Variants in PIK3AP1 observed in about 807,000 individuals in gnomAD.
PIK3AP1 encodes phosphoinositide-3-kinase adaptor protein 1, also known as phosphoinositide 3-kinase adapter protein 1.
Under a neutral mutation model 88.1 loss-of-function variants are expected in PIK3AP1, and 21 were observed. The ratio of observed to expected loss-of-function variants is 0.24; its 90% CI spans 0.17 to 0.34. PIK3AP1 has a LOEUF of 0.34. Among genes scored for constraint, PIK3AP1 ranks in the 10% least tolerant of loss-of-function variants. PIK3AP1 has a pLI of 1.00. For missense variants in PIK3AP1, 828 were observed against 1,035.7 expected (o/e 0.80, Z 2.75); for synonymous variants, 398 against 400.0 (o/e 1.00, Z 0.06).
chr10:96,669,888 A>AAAGTGGGACCAG (rs1230037904), intron 2 of PIK3AP1, among the ~76,000 whole-genome samples: 9 of 152,298 alleles, frequency 5.9e-5, no homozygotes, highest in Non-Finnish European at 1.2e-4. Flanking sequence ...AGTGTTTAGA[A>AAAGTGGGACCAG]AAGTGGGACC....
intron 16 of PIK3AP1, among the ~76,000 whole-genome samples, chr10:96,598,391 C>T (rs1202400318): frequency 6.6e-6 from 1 of 152,026 alleles, no homozygotes; most frequent in Non-Finnish European, 1.5e-5. Context: ...ATCTATAACC[C>T]CCCTGCATAC....
chr10:96,711,706 T>G (rs1201160235), intron 1 of PIK3AP1, among the ~76,000 whole-genome samples: 1 of 149,570 alleles, frequency 6.7e-6, no homozygotes, highest in Non-Finnish European at 1.5e-5. Flanking sequence ...AAGCCCAACA[T>G]AGTTCTGATT....
At position 96,603,981 on chromosome 10, in the gene PIK3AP1, CG is replaced by C; in HGVS notation, c.2238del (p.Asn746LysfsTer65). On this transcript the variant is annotated frameshift_variant, in exon 15 of 17. Coordinates refer to ENST00000339364, the MANE Select transcript of PIK3AP1 (RefSeq NM_152309.3). LOFTEE classifies it high-confidence loss of function. ...LSVSSGMEGD[N>X]EDNEVPEVTR... is the part of the protein sequence containing the mutation. Reference sequence around the variant, plus strand: ...TGGGGTGGAGTCCCAGCTCTCACCTCGTTGTCCCCTTCCATCCCGCTGCTCA... The same window carrying C: ...TGGGGTGGAGTCCCAGCTCTCACCTCTTGTCCCCTTCCATCCCGCTGCTCA... 1 of 1,602,900 alleles carries C rather than the reference CG, an allele frequency of 6.2e-7. No homozygotes were observed.
intron 2 of PIK3AP1, among the ~76,000 whole-genome samples, chr10:96,705,319 T>C (rs1007066724): frequency 2.0e-5 from 3 of 152,140 alleles, no homozygotes; most frequent in Non-Finnish European, 4.4e-5. Context: ...ATCAAAAGGC[T>C]GTAAAGGTCA....
chr10:96,689,125 T>C (rs1844116458), intron 2 of PIK3AP1, among the ~76,000 whole-genome samples: 1 of 152,190 alleles, frequency 6.6e-6, no homozygotes, highest in Non-Finnish European at 1.5e-5. Flanking sequence ...ACCTTCATAA[T>C]CATTTTTCCC....
At chr10:96,634,578 G>A (rs1036132952) in intron 8 of PIK3AP1, among the ~76,000 whole-genome samples, 1 of 152,188 alleles carries the variant, frequency 6.6e-6, no homozygotes, top group Admixed American at 6.5e-5. Context: ...TCTGTAAAGT[G>A]AGGATAAGTA....
At chr10:96,645,441 A>G (rs775350592) in intron 8 of PIK3AP1, 32 bp downstream of exon 8, 1 of 1,598,708 alleles carries the variant, frequency 6.3e-7, no homozygotes, top group Admixed American at 1.8e-5. Context: ...CTCAGCAGAA[A>G]GGTGGAAGCA....
At chr10:96,633,330 G>T in intron 8 of PIK3AP1, 1 of 320,164 alleles carries the variant, frequency 3.1e-6, no homozygotes, top group African/African-American at 2.1e-5. Flanking sequence ...TCAACTGAAG[G>T]TCAAAATCTT....
intron 2 of PIK3AP1, among the ~76,000 whole-genome samples, chr10:96,679,799 C>T (rs767153524): frequency 1.4e-4 from 22 of 152,272 alleles, no homozygotes; most frequent in East Asian, 3.9e-4. Context: ...GGTGGCAAGA[C>T]GGCTGTGGTA....
At chr10:96,682,283 T>A (rs1039753405) in intron 2 of PIK3AP1, among the ~76,000 whole-genome samples, 13 of 152,182 alleles carry the variant, frequency 8.5e-5, no homozygotes, top group African/African-American at 1.4e-4. Context: ...CTGCTGATTT[T>A]TTTTTTCCTT....
At chr10:96,675,173 G>A (rs1033885726) in intron 2 of PIK3AP1, among the ~76,000 whole-genome samples, 1 of 148,546 alleles carries the variant, frequency 6.7e-6, no homozygotes, top group African/African-American at 2.5e-5. Context: ...GATTACAGGT[G>A]TGAGCCACTG....
In PIK3AP1 at chr10:96,651,261, T is replaced by C. The variant is rs34642975; in HGVS notation, c.975A>G (p.Glu325=). 431 of 1,614,204 alleles carry C rather than the reference T, an allele frequency of 2.7e-4. 2 individuals carry two copies. In the African/African-American group the frequency reaches 5.1e-3, roughly 19 times the overall value. ...CTGTCAACTTACTTGTCATCATATC[T>C]TCTTCTTCCAGCTGGTTGATTCCAA... ...HLFGINQLEE[E]DMMTNQRDEE... Residue 325 remains glutamate, a synonymous_variant, in exon 6 of 17, where the codon GAA becomes GAG. Coordinates refer to ENST00000339364, the MANE Select transcript of PIK3AP1 (RefSeq NM_152309.3).
In PIK3AP1 at chr10:96,598,048, T is replaced by G. The variant is rs1419201542; in HGVS notation, c.2361-2414A>C. ...GGTTTTTTTTGTTTTTTTGTTGTTT[T>G]TTTTTTTTTTTTTGAGACATGGACT... On this transcript the variant is annotated intron_variant, in intron 16 of 16. Transcript: ENST00000339364. Among the ~76,000 whole-genome samples, 18 of 149,068 alleles carry G rather than the reference T, an allele frequency of 1.2e-4. No homozygotes were observed. In the East Asian group the frequency reaches 2.7e-3, roughly 23 times the overall value.
intron 2 of PIK3AP1, among the ~76,000 whole-genome samples, chr10:96,699,724 G>A (rs1274522846): frequency 6.6e-6 from 1 of 152,208 alleles, no homozygotes; most frequent in African/African-American, 2.4e-5. Context: ...CAAGACAGGA[G>A]GCCCTCACCC....
intron 14 of PIK3AP1, among the ~76,000 whole-genome samples, chr10:96,607,947 A>G (rs1300595651): frequency 2.0e-5 from 3 of 152,240 alleles, no homozygotes; most frequent in African/African-American, 7.2e-5. Context: ...CAGAAACTGT[A>G]TAACAGGGGC....
chr10:96,668,265 G>A (rs112839293), intron 2 of PIK3AP1, among the ~76,000 whole-genome samples: 287 of 152,298 alleles, frequency 1.9e-3, no homozygotes, highest in African/African-American at 6.7e-3. Context: ...CACTTAAAAT[G>A]CATGAATTGT....
At chr10:96,660,924 C>T (rs1040808319) in intron 2 of PIK3AP1, among the ~76,000 whole-genome samples, 1 of 152,158 alleles carries the variant, frequency 6.6e-6, no homozygotes, top group Admixed American at 6.5e-5. Flanking sequence ...GTGGCTCACC[C>T]CTGTAATCCC....
At chr10:96,715,605 T>C (rs1236118875) in intron 1 of PIK3AP1, among the ~76,000 whole-genome samples, 1 of 152,160 alleles carries the variant, frequency 6.6e-6, no homozygotes, top group Non-Finnish European at 1.5e-5. Context: ...AAAAGTATCA[T>C]TGAGGCTGGG....
intron 11 of PIK3AP1, chr10:96,620,890 G>C (rs1478951228): frequency 4.1e-6 from 1 of 244,040 alleles, no homozygotes. Context: ...TGTAGCCACA[G>C]CTGGAACCTG....
Sources: allele counts gnomAD v4.1 joint callset (sites outside exome capture counted in the v4.1 genomes callset), GRCh38; gene constraint gnomAD v4.1.1; transcripts MANE v1.5; gene names NCBI Gene and HGNC (gene_info 2026-07-23, HGNC 2026-07-21).